Variants in INPP5F observed in about 807,000 individuals in gnomAD.
INPP5F encodes phosphatidylinositide 4-phosphatase SAC2.
Under a neutral mutation model 137.2 loss-of-function variants are expected in INPP5F, and 97 were observed. That is an observed-to-expected ratio of 0.71 (90% confidence interval 0.60 to 0.84). The LOEUF is 0.84. INPP5F is among the 40% of genes least tolerant of loss of function. INPP5F has a pLI of 0.00. For synonymous variants in INPP5F, 504 were observed against 476.9 expected (o/e 1.06, Z -0.74); for missense variants, 1,271 against 1,371.9 (o/e 0.93, Z 1.16).
At chr10:119,753,183 T>C (rs1197934989) in intron 2 of INPP5F, among the ~76,000 whole-genome samples, 1 of 152,228 alleles carries the variant, frequency 6.6e-6, no homozygotes, top group South Asian at 2.1e-4. Flanking sequence ...TGTTCTGAGC[T>C]AAAATTCGTT....
chr10:119,788,997 G>A (rs1850029851), intron 3 of INPP5F, among the ~76,000 whole-genome samples: 1 of 152,122 alleles, frequency 6.6e-6, no homozygotes, highest in Admixed American at 6.5e-5. Flanking sequence ...AGGCCGAGGC[G>A]GGCAGATCAT....
chr10:119,791,201 G>A lies in INPP5F; in HGVS notation c.316-316G>A, dbSNP rs561260007. Reference sequence around the variant, plus strand: ...AAATTCTTAGATACTAATTTCCAAAGCATTAATAACCTCAGCCGGAACATT... The same window carrying A: ...AAATTCTTAGATACTAATTTCCAAAACATTAATAACCTCAGCCGGAACATT... On this transcript the variant is annotated intron_variant, in intron 3 of 19. Transcript: ENST00000650623. 4.6e-5 allele frequency among the ~76,000 whole-genome samples: 7 copies of A among 152,308 alleles called. No individual in the cohort carries two copies. The South Asian group carries it at 6.2e-4, about 14-fold the overall frequency.
intron 1 of INPP5F, among the ~76,000 whole-genome samples, chr10:119,746,898 T>C (rs1036309251): frequency 6.6e-6 from 1 of 152,070 alleles, no homozygotes. Flanking sequence ...AAGCGATTCT[T>C]GTGCCTCAGC....
chr10:119,762,836 G>A (rs1285201236), intron 2 of INPP5F, among the ~76,000 whole-genome samples: 1 of 152,106 alleles, frequency 6.6e-6, no homozygotes. Flanking sequence ...ATTTTGCCCT[G>A]TCCCCCTAAA....
chr10:119,754,739 C>G (rs1403177015), intron 2 of INPP5F, among the ~76,000 whole-genome samples: 1 of 152,006 alleles, frequency 6.6e-6, no homozygotes, highest in Non-Finnish European at 1.5e-5. Context: ...GCCCCCAGCC[C>G]CTTGCCTGTG....
intron 9 of INPP5F, among the ~76,000 whole-genome samples, chr10:119,803,095 G>C (rs1225062021): frequency 6.6e-6 from 1 of 151,788 alleles, no homozygotes; most frequent in African/African-American, 2.4e-5. Flanking sequence ...TGCATTATTG[G>C]TTTTTATGTT....
Position 119,810,233 on chromosome 10 carries a change from G to C in INPP5F, c.1687+16G>C, listed in dbSNP as rs1335386320. On this transcript the variant is annotated intron_variant, in intron 14 of 19. Coordinates refer to ENST00000650623, the MANE Select transcript of INPP5F (RefSeq NM_014937.4). ...GCTGTTATAGGTAAGAAGCAGAAAA[G>C]CTTTTCTTTCCTCAAAATTTATGTC... 7.1e-7 allele frequency: 1 copy of C among 1,405,694 alleles called. No individual in the cohort carries two copies. The allele number at this position is 1,405,694 out of a possible 1,614,324, so 87.1% of individuals were successfully genotyped here.
chr10:119,727,825 T>C (rs1325550757), intron 1 of INPP5F, among the ~76,000 whole-genome samples: 2 of 152,232 alleles, frequency 1.3e-5, no homozygotes, highest in Non-Finnish European at 2.9e-5. Flanking sequence ...TTGTCTGGCT[T>C]TCTCCCCTTC....
In INPP5F at chr10:119,798,564, A is replaced by G; in HGVS notation, c.1070A>G (p.Tyr357Cys). Residue 357 changes from tyrosine to cysteine, a missense_variant, in exon 9 of 20, where the codon TAT (tyrosine) becomes TGT (cysteine). This residue lies in a region of INPP5F where 593 missense variants were observed against 712.4 expected (regional missense o/e 0.83). Transcript: ENST00000650623. The stretch of plus-strand genomic sequence containing the variant: ...GTAGGTGAAAAGGAAACTGTTGCCT[A>G]TTTCTGTGCCCATTTCGAAGAACAA... ...LDRSEKETVA[Y>C]FCAHFEEQLN... The G allele has an allele frequency of 6.2e-7, 1 of 1,612,612 alleles. No homozygotes were observed. The highest frequency in any genetic ancestry group is 1.3e-5 in the African/African-American group (1 of 75,010).
intron 2 of INPP5F, among the ~76,000 whole-genome samples, chr10:119,778,603 C>G (rs1026181877): frequency 2.0e-5 from 3 of 152,038 alleles, no homozygotes; most frequent in Non-Finnish European, 4.4e-5. Flanking sequence ...TTGCCATTTT[C>G]CCTCCATTCT....
intron 11 of INPP5F, 123 bp downstream of exon 11, chr10:119,805,584 TC>T: frequency 1.5e-6 from 1 of 684,466 alleles, no homozygotes; most frequent in Non-Finnish European, 2.5e-6. Flanking sequence ...GCTTCCCAGT[TC>T]CTATTCTTTT....
chr10:119,823,975 G>C, intron 19 of INPP5F, 73 bp downstream of exon 19: 1 of 1,121,262 alleles, frequency 8.9e-7, no homozygotes, highest in South Asian at 1.3e-5. Flanking sequence ...TTATTTGCAG[G>C]GGGAAAGGGG....
At chr10:119,738,881 G>A (rs1848294994) in intron 1 of INPP5F, among the ~76,000 whole-genome samples, 1 of 152,006 alleles carries the variant, frequency 6.6e-6, no homozygotes, top group Non-Finnish European at 1.5e-5. Flanking sequence ...AAAAATTTCA[G>A]GATAATTTAA....
chr10:119,771,887 T>TATACA (rs1564820110), intron 2 of INPP5F, among the ~76,000 whole-genome samples: 1 of 37,328 alleles, frequency 2.7e-5, no homozygotes, highest in Non-Finnish European at 5.3e-5. Context: ...TATATATTTT[T>TATACA]TTTTTTTTTT....
chr10:119,745,052 G>T (rs1029465892), intron 1 of INPP5F, among the ~76,000 whole-genome samples: 1 of 151,586 alleles, frequency 6.6e-6, no homozygotes, highest in Non-Finnish European at 1.5e-5. Flanking sequence ...CATTTACATG[G>T]TTCACAATGC....
At chr10:119,745,436 T>G (rs935833265) in intron 1 of INPP5F, among the ~76,000 whole-genome samples, 2 of 152,034 alleles carry the variant, frequency 1.3e-5, no homozygotes, top group Non-Finnish European at 2.9e-5. Context: ...CAAGTGGGTT[T>G]CTTACTCCCA....
chr10:119,793,143 G>A (rs1850207830), intron 6 of INPP5F, among the ~76,000 whole-genome samples: 1 of 152,096 alleles, frequency 6.6e-6, no homozygotes, highest in African/African-American at 2.4e-5. Flanking sequence ...TGACAATATC[G>A]AGCTCTAACA....
At chr10:119,747,963 C>T (rs996860072) in intron 1 of INPP5F, among the ~76,000 whole-genome samples, 2 of 152,212 alleles carry the variant, frequency 1.3e-5, no homozygotes, top group Non-Finnish European at 2.9e-5. Context: ...TCCACCTGGA[C>T]ACTTCTGTGG....
chr10:119,751,776 T>G (rs1193919012), intron 2 of INPP5F, among the ~76,000 whole-genome samples: 2 of 152,172 alleles, frequency 1.3e-5, no homozygotes, highest in African/African-American at 4.8e-5. Context: ...TATTTTTTCT[T>G]TTTTGGTGCC....
Sources: allele counts gnomAD v4.1 joint callset (sites outside exome capture counted in the v4.1 genomes callset), GRCh38; gene constraint gnomAD v4.1.1; regional missense constraint gnomAD v4.1.1; transcripts MANE v1.5; gene names NCBI Gene and HGNC (gene_info 2026-07-23, HGNC 2026-07-21).